COL4A3: variants seen among roughly 807,000 people sequenced by gnomAD.
COL4A3 encodes collagen alpha-3(IV) chain.
A neutral mutation model predicts 217.4 loss-of-function variants in COL4A3; 135 were observed. The observed-to-expected ratio is 0.62, with a 90% confidence interval of 0.54 to 0.72. The LOEUF (loss-of-function observed/expected upper bound fraction) is 0.72, where lower values mean the gene tolerates loss of function less well. Among genes scored for constraint, COL4A3 ranks in the 30% least tolerant of loss-of-function variants. The pLI, the probability that COL4A3 is intolerant of heterozygous loss-of-function variation, is 0.00. For synonymous variants in COL4A3, 690 were observed against 736.3 expected (o/e 0.94, Z 1.02); for missense variants, 1,868 against 2,119.9 (o/e 0.88, Z 2.33).
At chr2:227,292,141 A>C (rs2072782039) in intron 37 of COL4A3, among the ~76,000 whole-genome samples, 1 of 152,224 alleles carries the variant, frequency 6.6e-6, no homozygotes, top group South Asian at 2.1e-4. Flanking sequence ...ATATATAAAA[A>C]GTATTACTTA....
At chr2:227,262,017 C>T (rs1159278136) in intron 20 of COL4A3, among the ~76,000 whole-genome samples, 1 of 152,124 alleles carries the variant, frequency 6.6e-6, no homozygotes, top group East Asian at 1.9e-4. Flanking sequence ...TGCCCTGCCA[C>T]TGATCATATT....
In COL4A3 at chr2:227,203,465, G is replaced by GTA. The variant is rs1334047151; in HGVS notation, c.88-34497_88-34496dup. On this transcript the variant is annotated intron_variant, in intron 1 of 51. Coordinates refer to ENST00000396578, the MANE Select transcript of COL4A3 (RefSeq NM_000091.5). Reference sequence around the variant, plus strand: ...TATGTGTATACATACATATATGTGTGTATATATGTGTATACATATGTGTGT... The same window carrying GTA: ...TATGTGTATACATACATATATGTGTGTATATATATGTGTATACATATGTGTGT... Among the ~76,000 whole-genome samples the GTA allele has an allele frequency of 4.8e-5, 2 of 41,588 alleles. 1 individual carries two copies. 27.3% of individuals were successfully genotyped at this position (41,588 alleles called of 152,430 possible).
At chr2:227,185,338 A>C (rs976652730) in intron 1 of COL4A3, among the ~76,000 whole-genome samples, 1 of 152,184 alleles carries the variant, frequency 6.6e-6, no homozygotes, top group Non-Finnish European at 1.5e-5. Context: ...GTGCTTTGAC[A>C]CAGGGCTTTT....
At chr2:227,188,295 C>T (rs72971870) in intron 1 of COL4A3, among the ~76,000 whole-genome samples, 20,572 of 151,670 alleles carry the variant, frequency 0.14, 1,489 homozygotes, top group Admixed American at 0.17. Flanking sequence ...AAAGTGGTAA[C>T]ATTTGGACAT....
intron 43 of COL4A3, among the ~76,000 whole-genome samples, chr2:227,302,677 C>CAACAAAAAAAAAAAAA (rs2073340112): frequency 1.3e-5 from 1 of 79,916 alleles, no homozygotes; most frequent in African/African-American, 6.5e-5. Flanking sequence ...ACTCTTTCTC[C>CAACAAAAAAAAAAAAA]AAAAAAAAAA....
At chr2:227,270,418 G>A (rs2071168335) in intron 24 of COL4A3, among the ~76,000 whole-genome samples, 1 of 152,156 alleles carries the variant, frequency 6.6e-6, no homozygotes, top group African/African-American at 2.4e-5. Context: ...GACTGTCATA[G>A]TGAATCAAAA....
chr2:227,180,426 C>T (rs2065832691), intron 1 of COL4A3, among the ~76,000 whole-genome samples: 1 of 152,176 alleles, frequency 6.6e-6, no homozygotes, highest in Non-Finnish European at 1.5e-5. Flanking sequence ...CTCGCTGTGA[C>T]CTGCTCAGGC....
intron 1 of COL4A3, among the ~76,000 whole-genome samples, chr2:227,173,546 C>T (rs566056125): frequency 1.3e-5 from 2 of 152,254 alleles, no homozygotes; most frequent in Non-Finnish European, 2.9e-5. Context: ...AATTCTATTA[C>T]TGCGATAGTT....
rs777532605 is a variant in COL4A3 at position 227,254,105 on chromosome 2, T to C, written c.766-7T>C. ...TTTGTAACAATGTTGAACTGTTTCTTTGGCAGGACCTCAAGGGGGAAAAGG... is the reference window on the plus strand; with the variant it reads ...TTTGTAACAATGTTGAACTGTTTCTCTGGCAGGACCTCAAGGGGGAAAAGG... On this transcript the variant is annotated splice_region_variant and splice_polypyrimidine_tract_variant and intron_variant, in intron 13 of 51. Transcript: ENST00000396578. 3 of 1,613,580 alleles carry C rather than the reference T, an allele frequency of 1.9e-6. No homozygotes were observed. Among genetic ancestry groups the C allele is most frequent in the Non-Finnish European group, 2.5e-6 (3 of 1,179,586 alleles).
At position 227,296,891 on chromosome 2, in the gene COL4A3, C is replaced by T. The variant is rs559928179; in HGVS notation, c.3566-783C>T. On this transcript the variant is annotated intron_variant, in intron 41 of 51. Coordinates refer to ENST00000396578, the MANE Select transcript of COL4A3 (RefSeq NM_000091.5). ...CCTCTCCTTCTGCACATCTATCTTC[C>T]GTTTTCATGCCATTTACTGCTGCTA... 5.9e-5 allele frequency among the ~76,000 whole-genome samples: 9 copies of T among 152,296 alleles called. No individual in the cohort carries two copies. The East Asian group carries it at 1.5e-3, about 26-fold the overall frequency.
chr2:227,186,483 T>G (rs1335183434), intron 1 of COL4A3, among the ~76,000 whole-genome samples: 1 of 152,144 alleles, frequency 6.6e-6, no homozygotes, highest in Non-Finnish European at 1.5e-5. Flanking sequence ...CAGCTAATAG[T>G]GAGAGCAGCA....
At chr2:227,167,299 C>T (rs113090932) in intron 1 of COL4A3, among the ~76,000 whole-genome samples, 4,559 of 152,304 alleles carry the variant, frequency 0.03, 125 homozygotes, top group Non-Finnish European at 0.044. Flanking sequence ...TTTGTTTAGA[C>T]GGGGTGGAAC....
chr2:227,207,253 G>C (rs1184067109), intron 1 of COL4A3, among the ~76,000 whole-genome samples: 1 of 152,084 alleles, frequency 6.6e-6, no homozygotes, highest in African/African-American at 2.4e-5. Flanking sequence ...AACCAAGAAA[G>C]TTAGTAACCC....
intron 31 of COL4A3, chr2:227,281,676 T>A (rs1322661090): frequency 6.5e-6 from 1 of 152,848 alleles, no homozygotes; most frequent in Non-Finnish European, 1.5e-5. Context: ...GGCATTATTA[T>A]TTTTTCCAGA....
intron 1 of COL4A3, among the ~76,000 whole-genome samples, chr2:227,186,860 T>C (rs2125689945): frequency 6.6e-6 from 1 of 150,786 alleles, no homozygotes; most frequent in Non-Finnish European, 1.5e-5. Context: ...GGAATTGCAA[T>C]ATCAAGGCAC....
At chr2:227,193,784 G>T (rs1255878371) in intron 1 of COL4A3, among the ~76,000 whole-genome samples, 1 of 34,384 alleles carries the variant, frequency 2.9e-5, no homozygotes, top group East Asian at 2.0e-3. Context: ...AAGGAAGGAA[G>T]GAAGGAAGGA....
At chr2:227,226,972 T>G (rs1334850551) in intron 1 of COL4A3, among the ~76,000 whole-genome samples, 3 of 152,230 alleles carry the variant, frequency 2.0e-5, no homozygotes, top group Non-Finnish European at 4.4e-5. Context: ...ACATTTGTAT[T>G]GATGAAATGC....
chr2:227,194,315 C>T (rs904331371), intron 1 of COL4A3, among the ~76,000 whole-genome samples: 14 of 152,206 alleles, frequency 9.2e-5, no homozygotes, highest in Non-Finnish European at 4.4e-5. Flanking sequence ...CACCACTGCT[C>T]CCTTTCCTGG....
rs917732753 is a variant in COL4A3 at position 227,191,189 on chromosome 2, A to T, written c.87+26376A>T. ...CTTTTTGGATACTTGGGGAATAACAAAATTTTTATTATTATAAGTAATACT... is the reference window on the plus strand; with the variant it reads ...CTTTTTGGATACTTGGGGAATAACATAATTTTTATTATTATAAGTAATACT... On this transcript the variant is annotated intron_variant, in intron 1 of 51. Transcript: ENST00000396578. The surrounding 1 kb of genome is among the most constrained non-coding windows in gnomAD (Gnocchi z 6.8). Among the ~76,000 whole-genome samples, 1 of 152,122 alleles carries T rather than the reference A, an allele frequency of 6.6e-6. No homozygotes were observed. The highest frequency in any genetic ancestry group is 1.5e-5 in the Non-Finnish European group (1 of 68,028).
Sources: gnomAD v4.1 joint callset for allele counts (sites outside exome capture counted in the v4.1 genomes callset) on GRCh38, gnomAD v4.1.1 for gene constraint, Gnocchi (gnomAD v3.1) non-coding constraint, MANE v1.5 for transcripts, NCBI Gene and HGNC (gene_info 2026-07-23, HGNC 2026-07-21) for gene names.